Variants in PALLD observed in about 807,000 individuals in gnomAD.
The protein encoded by PALLD is palladin.
PALLD carries 61 observed loss-of-function variants against 123.5 expected under a neutral mutation model. The observed-to-expected ratio is 0.49, with a 90% CI of 0.40 to 0.61. The LOEUF (loss-of-function observed/expected upper bound fraction) is 0.61, where lower values mean the gene tolerates loss of function less well. Ranked by LOEUF, PALLD falls within the 20% of genes least tolerant of loss-of-function variation. The pLI, the probability that PALLD is intolerant of heterozygous loss-of-function variation, is 0.00. For missense variants in PALLD, 1,273 were observed against 1,377.0 expected (o/e 0.92, Z 1.20); for synonymous variants, 465 against 496.4 (o/e 0.94, Z 0.84).
At chr4:168,795,275 T>G (rs1401990929) in intron 10 of PALLD, among the ~76,000 whole-genome samples, 3 of 152,228 alleles carry the variant, frequency 2.0e-5, no homozygotes, top group Non-Finnish European at 4.4e-5. Context: ...TTCCTGTCAG[T>G]GTTTTTGGTA....
chr4:168,857,148 A>C (rs1748727081), intron 10 of PALLD, among the ~76,000 whole-genome samples: 1 of 152,136 alleles, frequency 6.6e-6, no homozygotes, highest in Non-Finnish European at 1.5e-5. Context: ...CTCGCCCTCC[A>C]TGTTTTCATG....
At chr4:168,767,738 G>T (rs1219506574) in intron 10 of PALLD, among the ~76,000 whole-genome samples, 1 of 151,970 alleles carries the variant, frequency 6.6e-6, no homozygotes, top group Non-Finnish European at 1.5e-5. Context: ...GTAGAGATGG[G>T]GTTTCTCTAT....
At chr4:168,651,177 G>T (rs549748221) in intron 2 of PALLD, among the ~76,000 whole-genome samples, 2 of 152,088 alleles carry the variant, frequency 1.3e-5, no homozygotes, top group South Asian at 2.1e-4. Flanking sequence ...GAATTATTGC[G>T]CAGGGATCAA....
At chr4:168,603,413 G>A (rs1363174174) in intron 2 of PALLD, among the ~76,000 whole-genome samples, 2 of 152,096 alleles carry the variant, frequency 1.3e-5, no homozygotes, top group Non-Finnish European at 2.9e-5. Flanking sequence ...ACTTGCAGAA[G>A]AGTAATCAAA....
chr4:168,513,605 G>A (rs920445288), intron 2 of PALLD, among the ~76,000 whole-genome samples: 1 of 152,180 alleles, frequency 6.6e-6, no homozygotes, highest in Non-Finnish European at 1.5e-5. Flanking sequence ...AATACATGGG[G>A]AAAATTAAAG....
intron 2 of PALLD, among the ~76,000 whole-genome samples, chr4:168,625,278 T>C (rs1157251608): frequency 1.3e-5 from 2 of 151,892 alleles, no homozygotes; most frequent in Non-Finnish European, 2.9e-5. Flanking sequence ...AGGAATTTAA[T>C]AGATGATGAT....
chr4:168,670,185 A>T (rs1392006338), intron 3 of PALLD, among the ~76,000 whole-genome samples: 1 of 152,236 alleles, frequency 6.6e-6, no homozygotes, highest in Non-Finnish European at 1.5e-5. Context: ...CAGATAGAGC[A>T]CTTTTAAATG....
chr4:168,709,546 GGAAGGAAGGAAGGA>G (rs1784551175), intron 9 of PALLD, among the ~76,000 whole-genome samples: 18 of 736 alleles, frequency 0.024, 1 homozygote, highest in African/African-American at 0.032. Context: ...AAGGAAGGAA[GGAAGGAAGGAAGGA>G]AGGAAGGAAG....
chr4:168,555,489 T>C (rs1767187016), intron 2 of PALLD, among the ~76,000 whole-genome samples: 1 of 152,210 alleles, frequency 6.6e-6, no homozygotes, highest in African/African-American at 2.4e-5. Flanking sequence ...CCCGCTTTGC[T>C]GAGAAAACTT....
chr4:168,567,044 A>G (rs1337885924), intron 2 of PALLD, among the ~76,000 whole-genome samples: 1 of 152,198 alleles, frequency 6.6e-6, no homozygotes, highest in Non-Finnish European at 1.5e-5. Context: ...ATGAGCATTT[A>G]TTACCTTACT....
At chr4:168,512,661 G>C (rs928410543) in intron 2 of PALLD, among the ~76,000 whole-genome samples, 10 of 152,174 alleles carry the variant, frequency 6.6e-5, no homozygotes, top group African/African-American at 9.7e-5. Flanking sequence ...AAGAGCAGTG[G>C]AAACAGTTTG....
intron 2 of PALLD, among the ~76,000 whole-genome samples, chr4:168,556,042 T>C (rs963018824): frequency 6.6e-6 from 1 of 152,172 alleles, no homozygotes; most frequent in Non-Finnish European, 1.5e-5. Context: ...TAAGACCTCT[T>C]AGCACAGCTT....
intron 2 of PALLD, chr4:168,537,696 G>C (rs543603781): frequency 1.1e-4 from 16 of 152,252 alleles, no homozygotes; most frequent in African/African-American, 3.9e-4. Flanking sequence ...AACATCTTGA[G>C]TCTGCAAAAT....
intron 2 of PALLD, among the ~76,000 whole-genome samples, chr4:168,602,326 T>C (rs1295381481): frequency 3.3e-5 from 5 of 152,214 alleles, no homozygotes; most frequent in African/African-American, 9.7e-5. Context: ...GATTGAGACA[T>C]AGACTCTGAA....
chr4:168,839,916 T>G lies in PALLD; in HGVS notation c.1965-51006T>G, dbSNP rs1581714923. ...TTGACTAAAGATCCTGTCATTTGAC[T>G]AGGCTCTGCTATAGTCTGCAAAATC... On this transcript the variant is annotated intron_variant, in intron 10 of 21. Transcript: ENST00000505667. 3.3e-5 allele frequency among the ~76,000 whole-genome samples: 5 copies of G among 152,288 alleles called. No individual in the cohort carries two copies. In the East Asian group the frequency reaches 9.7e-4, roughly 29 times the overall value.
intron 2 of PALLD, among the ~76,000 whole-genome samples, chr4:168,612,646 C>T (rs957161293): frequency 6.6e-6 from 1 of 152,212 alleles, no homozygotes; most frequent in African/African-American, 2.4e-5. Context: ...TTGCAACTGC[C>T]TCAAAGTCTG....
intron 10 of PALLD, among the ~76,000 whole-genome samples, chr4:168,875,590 G>A (rs552288625): frequency 4.6e-5 from 7 of 152,202 alleles, no homozygotes; most frequent in Non-Finnish European, 1.0e-4. Flanking sequence ...CAAAACGCTA[G>A]TAAAGTTCTT....
At chr4:168,794,785 T>C (rs563260444) in intron 10 of PALLD, among the ~76,000 whole-genome samples, 1 of 152,334 alleles carries the variant, frequency 6.6e-6, no homozygotes, top group Admixed American at 6.5e-5. Context: ...AACCCTGTGC[T>C]TAGTAAATAG....
intron 1 of PALLD, among the ~76,000 whole-genome samples, chr4:168,498,611 C>T (rs1231384478): frequency 1.3e-5 from 2 of 152,150 alleles, no homozygotes; most frequent in Non-Finnish European, 2.9e-5. Context: ...TACTGAGCTC[C>T]AGTTAGAAAT....
Sources: allele counts gnomAD v4.1 joint callset (sites outside exome capture counted in the v4.1 genomes callset), GRCh38; gene constraint gnomAD v4.1.1; transcripts MANE v1.5; gene names NCBI Gene and HGNC (gene_info 2026-07-23, HGNC 2026-07-21).